VAV2: variants seen among roughly 807,000 people sequenced by gnomAD.
VAV2 encodes the protein guanine nucleotide exchange factor VAV2.
A neutral mutation model predicts 132.5 loss-of-function variants in VAV2; 67 were observed. That is an observed-to-expected ratio of 0.51 (90% CI 0.42 to 0.62). The LOEUF is 0.62. Among genes scored for constraint, VAV2 ranks in the 20% least tolerant of loss-of-function variants. The pLI is 0.00. For synonymous variants in VAV2, 492 were observed against 443.5 expected, an observed-to-expected ratio of 1.11 and a Z score of -1.37; for missense variants, 938 against 1,153.6, an observed-to-expected ratio of 0.81 and a Z score of 2.71.
At chr9:133,880,120 C>A (rs1838428704) in intron 2 of VAV2, among the ~76,000 whole-genome samples, 1 of 152,076 alleles carries the variant, frequency 6.6e-6, no homozygotes, top group Non-Finnish European at 1.5e-5. Context: ...CACCTGGACC[C>A]ACCTGCGCCG....
At chr9:133,829,098 C>G (rs1357340356) in intron 4 of VAV2, among the ~76,000 whole-genome samples, 1 of 152,238 alleles carries the variant, frequency 6.6e-6, no homozygotes, top group Non-Finnish European at 1.5e-5. Context: ...AGGCATCTAG[C>G]CCTGGGCCCC....
intron 2 of VAV2, among the ~76,000 whole-genome samples, chr9:133,862,096 G>A (rs12377799): frequency 0.093 from 14,149 of 152,332 alleles, 821 homozygotes; most frequent in South Asian, 0.14. Context: ...CTGGTCAAGA[G>A]GAAGGTTTGG....
intron 1 of VAV2, among the ~76,000 whole-genome samples, chr9:133,948,169 C>T (rs1841432007): frequency 6.6e-6 from 1 of 152,224 alleles, no homozygotes; most frequent in Admixed American, 6.5e-5. Context: ...TCATTCACTG[C>T]TCCAGGCAGG....
At chr9:133,877,319 C>T (rs138824357) in intron 2 of VAV2, among the ~76,000 whole-genome samples, 7 of 152,328 alleles carry the variant, frequency 4.6e-5, no homozygotes, top group African/African-American at 1.7e-4. Context: ...GGGACCCACA[C>T]CCCAGACACA....
chr9:133,982,386 G>C (rs1426476700), intron 1 of VAV2, among the ~76,000 whole-genome samples: 1 of 152,120 alleles, frequency 6.6e-6, no homozygotes, highest in East Asian at 1.9e-4. Context: ...CCTGGGACGG[G>C]GCACGGCCAA....
intron 2 of VAV2, among the ~76,000 whole-genome samples, chr9:133,907,098 G>A (rs1348034387): frequency 1.3e-5 from 2 of 152,212 alleles, no homozygotes; most frequent in African/African-American, 4.8e-5. Context: ...ACACTCTCTT[G>A]TCCATACCTC....
At position 133,879,562 on chromosome 9, in the gene VAV2, A is replaced by G. The variant is rs941480241; in HGVS notation, c.322-18130T>C. On this transcript the variant is annotated intron_variant, in intron 2 of 29. Transcript: ENST00000371850. The surrounding 1 kb of genome is among the most constrained non-coding windows in gnomAD (Gnocchi z 4.4). ...GCCCCGGGGCACTGCCACAGCCTTG[A>G]GCACCTGACATTACAGACCCACAGG... 6.6e-6 allele frequency among the ~76,000 whole-genome samples: 1 copy of G among 152,128 alleles called. No individual in the cohort carries two copies. Among genetic ancestry groups the G allele is most frequent in the African/African-American group, 2.4e-5 (1 of 41,424 alleles).
chr9:133,832,365 G>GC (rs545917162), intron 4 of VAV2, among the ~76,000 whole-genome samples: 24 of 152,288 alleles, frequency 1.6e-4, no homozygotes, highest in Admixed American at 5.2e-4. Flanking sequence ...TCTGAGCATA[G>GC]CAAGTAGGGT....
At chr9:133,797,987 A>G (rs1834788191) in intron 9 of VAV2, among the ~76,000 whole-genome samples, 178 bp from the exon 10 acceptor site, 1 of 152,082 alleles carries the variant, frequency 6.6e-6, no homozygotes, top group Non-Finnish European at 1.5e-5. Flanking sequence ...CCCTTCCCGA[A>G]GCTACCGGGC....
In VAV2 at chr9:133,786,479, T is replaced by TG. The variant is rs202100452; in HGVS notation, c.1423-595dup. On this transcript the variant is annotated intron_variant, in intron 16 of 29. Coordinates refer to ENST00000371850, the MANE Select transcript of VAV2 (RefSeq NM_001134398.2). ...ATGCTCCACCGAGTGCATATGTAGA[T>TG]GCATGTTAAGCGGGGGCAGGATCCC... Among the ~76,000 whole-genome samples, 1,159 of 152,298 alleles carry TG rather than the reference T, an allele frequency of 7.6e-3. 26 individuals carry two copies. Among genetic ancestry groups the TG allele is most frequent in the Admixed American group, 0.043 (656 of 15,306 alleles).
chr9:133,777,390 C>G lies in VAV2; in HGVS notation c.1964G>C (p.Arg655Thr), dbSNP rs1564335031. The G allele has an allele frequency of 6.2e-7, 1 of 1,613,728 alleles. No individual in the cohort carries two copies. Among genetic ancestry groups the G allele is most frequent in the Non-Finnish European group, 8.5e-7 (1 of 1,179,958 alleles). The change falls in exon 23 of 30, where the codon AGG (arginine) becomes ACG (threonine). Residue 655 changes from arginine to threonine, a missense_variant and splice_region_variant. Coordinates refer to ENST00000371850, the MANE Select transcript of VAV2 (RefSeq NM_001134398.2). ...SSVKPCPVDG[R>T]PPISRPPSRE... The stretch of plus-strand genomic sequence containing the variant: ...AAGCTTCTGTGGGAAAGGACTCACC[C>G]TTCCATCCACAGGGCAGGGCTTCAC...
In VAV2 at chr9:133,778,759, C is replaced by G. The variant is rs749983309; in HGVS notation, c.1890+3G>C. 6.2e-6 allele frequency: 10 copies of G among 1,612,200 alleles called. No homozygotes were observed. Among genetic ancestry groups the G allele is most frequent in the Non-Finnish European group, 8.5e-6 (10 of 1,179,918 alleles). Reference sequence around the variant, plus strand: ...CTCGACCCTCCCGGGCCCCAGGACCCACCTCCCACCACGGAGACTCAGGGT... The same window carrying G: ...CTCGACCCTCCCGGGCCCCAGGACCGACCTCCCACCACGGAGACTCAGGGT... On this transcript the variant is annotated splice_donor_region_variant and intron_variant, in intron 22 of 29. Coordinates refer to ENST00000371850, the MANE Select transcript of VAV2 (RefSeq NM_001134398.2).
Position 133,992,005 on chromosome 9 carries a change from G to C in VAV2, c.204+70C>G. ...CTGGGCCGCCGCCGCTGCGACCTCC[G>C]CGTTCAGTCCGCGCGTCGGGCAGCG... On this transcript the variant is annotated intron_variant, in intron 1 of 29. Transcript: ENST00000371850. This position sits in a 1 kb window ranked among gnomAD's most constrained non-coding sequence, Gnocchi z 5.5. The C allele has an allele frequency of 7.7e-7, 1 of 1,298,386 alleles. No individual in the cohort carries two copies. The highest frequency in any genetic ancestry group is 1.6e-5 in the African/African-American group (1 of 63,560). 80.4% of individuals were successfully genotyped at this position (1,298,386 alleles called of 1,614,324 possible). A position where few individuals can be genotyped will look rare whatever the true frequency, so the allele number is the denominator to read the frequency against.
intron 3 of VAV2, among the ~76,000 whole-genome samples, chr9:133,856,430 C>G (rs1452901634): frequency 6.8e-6 from 1 of 146,650 alleles, no homozygotes; most frequent in Admixed American, 6.6e-5. Flanking sequence ...TATGTGCCCC[C>G]CACCGGGACC....
intron 12 of VAV2, among the ~76,000 whole-genome samples, chr9:133,795,398 G>T (rs967681901): frequency 4.6e-5 from 7 of 152,164 alleles, no homozygotes; most frequent in African/African-American, 1.7e-4. Context: ...GAAAAGCAGG[G>T]GGAGGGGAGG....
In VAV2 at chr9:133,784,219, C is replaced by T. The variant is rs1048988135; in HGVS notation, c.1634+98G>A. The T allele has an allele frequency of 2.2e-6, 3 of 1,372,328 alleles. No homozygotes were observed. The African/African-American group carries it at 4.3e-5, about 20-fold the overall frequency. The allele number at this position is 1,372,328 out of a possible 1,614,324, so 85.0% of individuals were successfully genotyped here. On this transcript the variant is annotated intron_variant, in intron 18 of 29. Transcript: ENST00000371850. The stretch of plus-strand genomic sequence containing the variant: ...ATACTCCCTTAACCCCTCAGGGCCT[C>T]CCACAGGGAACATGGGACAGATAGA...
rs1834358914 is a variant in VAV2 at position 133,789,310 on chromosome 9, T to C, written c.1222A>G (p.Ile408Val). The C allele has an allele frequency of 6.2e-7, 1 of 1,614,132 alleles. No individual in the cohort carries two copies. Among genetic ancestry groups the C allele is most frequent in the South Asian group, 1.1e-5 (1 of 91,086 alleles). Residue 408 changes from isoleucine to valine, a missense_variant, in exon 14 of 30, where the codon ATT becomes GTT. By Grantham distance (29) the Ile-to-Val change is conservative (BLOSUM62 3). Coordinates refer to ENST00000371850, the MANE Select transcript of VAV2 (RefSeq NM_001134398.2). ...GACCGGACTTTCAGTTCCCCGTCAA[T>C]CTTTGGTCTTCCAAATTCCTCCAGT... The part of the protein sequence containing the change: ...VKLEEFGRPK[I>V]DGELKVRSIV...
chr9:133,955,361 C>T (rs1462259499), intron 1 of VAV2, among the ~76,000 whole-genome samples: 136 of 151,476 alleles, frequency 9.0e-4, no homozygotes, highest in Non-Finnish European at 5.9e-5. Context: ...GAAGCACGGT[C>T]CCCACACTCC....
At chr9:133,856,130 G>A (rs769344004) in intron 3 of VAV2, among the ~76,000 whole-genome samples, 6 of 152,240 alleles carry the variant, frequency 3.9e-5, no homozygotes, top group Non-Finnish European at 5.9e-5. Flanking sequence ...GGGGCTGCCT[G>A]AGGCTGGGGA....
Sources: gnomAD v4.1 joint callset for allele counts (sites outside exome capture counted in the v4.1 genomes callset) on GRCh38, gnomAD v4.1.1 for gene constraint, Gnocchi (gnomAD v3.1) non-coding constraint, MANE v1.5 for transcripts, NCBI Gene and HGNC (gene_info 2026-07-23, HGNC 2026-07-21) for gene names.